The following GRID2 variants were observed in gnomAD, a reference collection of about 807,000 sequenced individuals.
GRID2 encodes glutamate receptor ionotropic, delta-2.
Under a neutral mutation model 114.8 loss-of-function variants are expected in GRID2, and 33 were observed. The ratio of observed to expected loss-of-function variants is 0.29; its 90% CI spans 0.22 to 0.38. GRID2 has a LOEUF of 0.38. GRID2 is among the 10% of genes least tolerant of loss of function. The pLI, the probability that GRID2 is intolerant of heterozygous loss-of-function variation, is 1.00. For missense variants in GRID2, 1,184 were observed against 1,257.7 expected (o/e 0.94, Z 0.89); for synonymous variants, 505 against 449.9 (o/e 1.12, Z -1.55).
rs752825623 is a variant in GRID2 at position 92,590,291 on chromosome 4, G to A, written c.244+5G>A. The A allele has an allele frequency of 2.5e-6, 4 of 1,601,024 alleles. No homozygotes were observed. The South Asian group carries it at 4.5e-5, about 18-fold the overall frequency. ...CTTTCCAAGCAGTTCAAGAAGGTAA[G>A]GTCATCAGTATTTATTTTGGTTTTT... On this transcript the variant is annotated splice_donor_5th_base_variant and intron_variant, in intron 2 of 15. Transcript: ENST00000282020.
At chr4:92,537,097 C>T (rs1725674270) in intron 1 of GRID2, among the ~76,000 whole-genome samples, 1 of 152,158 alleles carries the variant, frequency 6.6e-6, no homozygotes, top group African/African-American at 2.4e-5. Flanking sequence ...TCTTTATACC[C>T]TTCAATACAC....
intron 2 of GRID2, among the ~76,000 whole-genome samples, chr4:92,614,035 T>G (rs1019020016): frequency 3.3e-5 from 5 of 151,480 alleles, no homozygotes; most frequent in African/African-American, 9.7e-5. Flanking sequence ...TTTCTGTGTT[T>G]GTTGGTGCAT....
chr4:93,185,129 T>C (rs1222585948), intron 4 of GRID2, among the ~76,000 whole-genome samples: 1 of 152,192 alleles, frequency 6.6e-6, no homozygotes, highest in Non-Finnish European at 1.5e-5. Context: ...GATTGACTTA[T>C]CCTTTAACTT....
At chr4:93,197,126 C>T (rs74757929) in intron 4 of GRID2, among the ~76,000 whole-genome samples, 6 of 152,104 alleles carry the variant, frequency 3.9e-5, no homozygotes, top group Non-Finnish European at 5.9e-5. Context: ...AATGGATGCA[C>T]GTAAGTTAAC....
intron 1 of GRID2, among the ~76,000 whole-genome samples, chr4:92,374,695 T>A (rs1729274675): frequency 6.6e-6 from 1 of 152,140 alleles, no homozygotes; most frequent in African/African-American, 2.4e-5. Flanking sequence ...CAGGTAACTT[T>A]TGAGATTGGG....
chr4:92,348,748 CA>C (rs927045191), intron 1 of GRID2, among the ~76,000 whole-genome samples: 1 of 152,036 alleles, frequency 6.6e-6, no homozygotes, highest in African/African-American at 2.4e-5. Context: ...ATCTTGCACC[CA>C]AACACATAAC....
At chr4:93,316,276 AAAAGAACG>A (rs1245535342) in intron 8 of GRID2, among the ~76,000 whole-genome samples, 1 of 57,324 alleles carries the variant, frequency 1.7e-5, no homozygotes, top group South Asian at 6.8e-4. Flanking sequence ...AGAAAGAAAG[AAAAGAACG>A]AAAGAACGAA....
chr4:93,387,152 C>G (rs573398940), intron 8 of GRID2, among the ~76,000 whole-genome samples: 1 of 152,196 alleles, frequency 6.6e-6, no homozygotes. Flanking sequence ...CCAAAAGTTT[C>G]AACAGTTTAT....
chr4:93,079,380 A>T (rs1560856457), intron 2 of GRID2, among the ~76,000 whole-genome samples: 1 of 151,800 alleles, frequency 6.6e-6, no homozygotes, highest in Non-Finnish European at 1.5e-5. Context: ...ACTATTAGGG[A>T]TTCTTCTTCT....
chr4:92,327,840 T>TA (rs1342736947), intron 1 of GRID2, among the ~76,000 whole-genome samples: 3 of 151,822 alleles, frequency 2.0e-5, no homozygotes, highest in African/African-American at 7.3e-5. Flanking sequence ...AGAAAGAAAC[T>TA]AAAAAAGAAA....
intron 13 of GRID2, among the ~76,000 whole-genome samples, chr4:93,575,053 G>A (rs1736285983): frequency 6.6e-6 from 1 of 152,146 alleles, no homozygotes; most frequent in African/African-American, 2.4e-5. Flanking sequence ...ATTTTACATA[G>A]TGGTTCAGGG....
chr4:92,745,667 T>C (rs1477354844), intron 2 of GRID2, among the ~76,000 whole-genome samples: 6 of 152,290 alleles, frequency 3.9e-5, no homozygotes, highest in African/African-American at 1.2e-4. Context: ...GCTATTGAGT[T>C]CTCCAATATA....
chr4:93,456,584 A>G (rs1320516020), intron 11 of GRID2, among the ~76,000 whole-genome samples: 2 of 152,302 alleles, frequency 1.3e-5, no homozygotes, highest in South Asian at 2.1e-4. Flanking sequence ...AACTTGTCCA[A>G]TTAATTATTT....
chr4:93,014,773 A>G (rs1470414843), intron 2 of GRID2, among the ~76,000 whole-genome samples: 1 of 152,170 alleles, frequency 6.6e-6, no homozygotes, highest in Non-Finnish European at 1.5e-5. Context: ...GTTAATATGC[A>G]CTGCGATACA....
intron 14 of GRID2, among the ~76,000 whole-genome samples, chr4:93,673,694 C>T (rs2859980): frequency 0.55 from 83,561 of 152,014 alleles, 24,477 homozygotes; most frequent in African/African-American, 0.76. Flanking sequence ...ATACATGAAA[C>T]AAGCCATTGA....
intron 4 of GRID2, among the ~76,000 whole-genome samples, chr4:93,180,190 T>A (rs1322535167): frequency 6.6e-6 from 1 of 152,044 alleles, no homozygotes; most frequent in Non-Finnish European, 1.5e-5. Context: ...AATACAGGCA[T>A]ATTTTGGAGA....
intron 4 of GRID2, among the ~76,000 whole-genome samples, chr4:93,154,076 T>G (rs927742125): frequency 1.3e-5 from 2 of 152,040 alleles, no homozygotes; most frequent in African/African-American, 4.8e-5. Flanking sequence ...CTCCTATTAA[T>G]TAAAATTCTA....
intron 2 of GRID2, among the ~76,000 whole-genome samples, chr4:92,649,969 C>G (rs1046258257): frequency 6.6e-6 from 1 of 151,922 alleles, no homozygotes; most frequent in Non-Finnish European, 1.5e-5. Context: ...TCAGACATAA[C>G]TCCATCATAA....
intron 8 of GRID2, among the ~76,000 whole-genome samples, chr4:93,316,299 A>T (rs56395918): frequency 1.1e-4 from 13 of 120,706 alleles, no homozygotes; most frequent in Non-Finnish European, 2.0e-4. Flanking sequence ...AACGAAAGAA[A>T]GAAAGAAAGA....
Sources: allele counts gnomAD v4.1 joint callset (sites outside exome capture counted in the v4.1 genomes callset), GRCh38; gene constraint gnomAD v4.1.1; transcripts MANE v1.5; gene names NCBI Gene and HGNC (gene_info 2026-07-23, HGNC 2026-07-21).